CLSTN2: variants seen among roughly 807,000 people sequenced by gnomAD.
The protein encoded by CLSTN2 is calsyntenin 2, also known as calsyntenin-2.
CLSTN2 carries 48 observed loss-of-function variants against 101.2 expected under a neutral mutation model. That is an observed-to-expected ratio of 0.47 (90% CI 0.38 to 0.60). The LOEUF (loss-of-function observed/expected upper bound fraction) is 0.60. CLSTN2 is among the 20% of genes least tolerant of loss of function. The pLI is 0.00. For synonymous variants in CLSTN2, 481 were observed against 463.6 expected, an observed-to-expected ratio of 1.04 and a Z score of -0.48; for missense variants, 1,160 against 1,238.2, an observed-to-expected ratio of 0.94 and a Z score of 0.95.
chr3:140,379,330 T>C (rs1030646697), intron 2 of CLSTN2, among the ~76,000 whole-genome samples: 8 of 152,104 alleles, frequency 5.3e-5, no homozygotes, highest in African/African-American at 1.9e-4. Flanking sequence ...CAGAGTACCC[T>C]AGGAGACTGA....
intron 8 of CLSTN2, among the ~76,000 whole-genome samples, chr3:140,480,458 C>G (rs1934090359): frequency 6.6e-6 from 1 of 152,120 alleles, no homozygotes; most frequent in Non-Finnish European, 1.5e-5. Flanking sequence ...TGGGTATATA[C>G]CCAGTAATGG....
At chr3:140,224,783 T>C (rs2086304213) in intron 2 of CLSTN2, among the ~76,000 whole-genome samples, 1 of 152,162 alleles carries the variant, frequency 6.6e-6, no homozygotes, top group Admixed American at 6.6e-5. Flanking sequence ...CCCAAACTTA[T>C]GTAACCAAAA....
chr3:140,445,846 C>A (rs960971110), intron 5 of CLSTN2, among the ~76,000 whole-genome samples: 4 of 152,158 alleles, frequency 2.6e-5, no homozygotes, highest in African/African-American at 9.7e-5. Context: ...TGAGCATCTA[C>A]TCTGTGCCAG....
chr3:140,236,704 C>T (rs1445391775), intron 2 of CLSTN2, among the ~76,000 whole-genome samples: 1 of 151,916 alleles, frequency 6.6e-6, no homozygotes, highest in Admixed American at 6.6e-5. Context: ...GTTTCTATTG[C>T]TATGTCTTCA....
chr3:140,187,367 T>A (rs1441234445), intron 2 of CLSTN2, among the ~76,000 whole-genome samples: 2 of 152,138 alleles, frequency 1.3e-5, no homozygotes, highest in Non-Finnish European at 2.9e-5. Context: ...CAGCCCACCC[T>A]GATCCTGACA....
intron 2 of CLSTN2, among the ~76,000 whole-genome samples, chr3:140,192,517 T>C (rs2010582340): frequency 6.6e-6 from 1 of 151,910 alleles, no homozygotes; most frequent in Admixed American, 6.6e-5. Context: ...TGTATCATAT[T>C]TGTGAAGTGG....
chr3:140,460,153 A>C (rs1933523736), intron 7 of CLSTN2: 1 of 202,594 alleles, frequency 4.9e-6, no homozygotes, highest in Admixed American at 5.2e-5. Context: ...TTACTGTATT[A>C]GATACAGTAA....
At chr3:139,944,942 A>G (rs1935193315) in intron 1 of CLSTN2, among the ~76,000 whole-genome samples, 1 of 152,258 alleles carries the variant, frequency 6.6e-6, no homozygotes, top group African/African-American at 2.4e-5. Flanking sequence ...TCAGGCCGGC[A>G]GATACCAGTG....
chr3:140,189,496 TG>T (rs1158077899), intron 2 of CLSTN2, among the ~76,000 whole-genome samples: 1 of 152,238 alleles, frequency 6.6e-6, no homozygotes, highest in Non-Finnish European at 1.5e-5. Flanking sequence ...CTCTAATGGC[TG>T]ATGATGTCAA....
At chr3:140,492,528 G>A (rs1360965826) in intron 8 of CLSTN2, among the ~76,000 whole-genome samples, 1 of 152,092 alleles carries the variant, frequency 6.6e-6, no homozygotes. Context: ...ATTTTATGCT[G>A]GACGCTTGAA....
At chr3:140,368,534 G>T (rs551338426) in intron 2 of CLSTN2, among the ~76,000 whole-genome samples, 8 of 152,166 alleles carry the variant, frequency 5.3e-5, no homozygotes, top group African/African-American at 1.9e-4. Context: ...TCCAGGCCAA[G>T]GGGTGGTATC....
At chr3:140,190,114 C>A (rs550559823) in intron 2 of CLSTN2, among the ~76,000 whole-genome samples, 70 of 152,280 alleles carry the variant, frequency 4.6e-4, no homozygotes, top group African/African-American at 1.6e-3. Flanking sequence ...GCTCTGCCCT[C>A]ATGACTTAAT....
chr3:140,553,952 T>G (rs78634909), intron 10 of CLSTN2, among the ~76,000 whole-genome samples: 4,500 of 152,110 alleles, frequency 0.03, 234 homozygotes, highest in African/African-American at 0.1. Context: ...TGACAGGAGA[T>G]GATAGTGAGT....
intron 2 of CLSTN2, among the ~76,000 whole-genome samples, chr3:140,184,378 C>T (rs148089174): frequency 2.0e-3 from 309 of 152,198 alleles, no homozygotes; most frequent in Admixed American, 5.0e-3. Context: ...AAACTCATGG[C>T]AGAAGGGGAA....
chr3:140,379,435 T>C (rs554492049), intron 2 of CLSTN2, among the ~76,000 whole-genome samples: 1 of 152,140 alleles, frequency 6.6e-6, no homozygotes, highest in African/African-American at 2.4e-5. Flanking sequence ...GCTGAGACAT[T>C]CTGTGGATTG....
At chr3:140,084,296 C>G (rs967631858) in intron 1 of CLSTN2, among the ~76,000 whole-genome samples, 32 of 152,074 alleles carry the variant, frequency 2.1e-4, no homozygotes, top group African/African-American at 7.7e-4. Flanking sequence ...CAGGATGTGA[C>G]TATATGAAAT....
chr3:140,122,334 C>A (rs796323696), intron 1 of CLSTN2, among the ~76,000 whole-genome samples: 14 of 152,256 alleles, frequency 9.2e-5, no homozygotes, highest in African/African-American at 3.1e-4. Context: ...GCTGGCCCCT[C>A]TTCAAAGCTG....
chr3:140,527,470 G>C (rs547568321), intron 8 of CLSTN2, among the ~76,000 whole-genome samples: 1 of 152,134 alleles, frequency 6.6e-6, no homozygotes, highest in African/African-American at 2.4e-5. Flanking sequence ...TATACTGTTA[G>C]TGGGAATGCA....
intron 1 of CLSTN2, among the ~76,000 whole-genome samples, chr3:140,172,340 G>A (rs989801636): frequency 2.0e-5 from 3 of 152,050 alleles, no homozygotes; most frequent in Non-Finnish European, 4.4e-5. Flanking sequence ...ATGGAGTAGG[G>A]CAAGATTTCC....
Sources: gnomAD v4.1 joint callset for allele counts (sites outside exome capture counted in the v4.1 genomes callset) on GRCh38, gnomAD v4.1.1 for gene constraint, MANE v1.5 for transcripts, NCBI Gene and HGNC (gene_info 2026-07-23, HGNC 2026-07-21) for gene names.